ITGA10: variants seen among roughly 807,000 people sequenced by gnomAD.
ITGA10 encodes the protein integrin subunit alpha 10.
Under a neutral mutation model 145.2 loss-of-function variants are expected in ITGA10, and 105 were observed. The ratio of observed to expected loss-of-function variants is 0.72; its 90% CI spans 0.62 to 0.85. The LOEUF is 0.85. Ranked by LOEUF, ITGA10 falls within the 40% of genes least tolerant of loss-of-function variation. The probability of loss-of-function intolerance (pLI) is 0.00; values close to 1 mark genes in which losing one functional copy is unlikely to be tolerated. For missense variants in ITGA10, 1,317 were observed against 1,444.5 expected (o/e 0.91, Z 1.43); for synonymous variants, 506 against 557.8 (o/e 0.91, Z 1.31).
rs1229466538 is a variant in ITGA10 at position 145,909,990 on chromosome 1, G to C, written c.25C>G (p.Leu9Val). MELPFVTH[L>V]FLPLVFLTGL... ...GTCAGGAACACCAGGGGCAAGAACA[G>C]GTGAGTGACGAAGGGGAGTTCCATG... Residue 9 changes from leucine to valine, a missense_variant, in exon 1 of 30, where the codon CTG (leucine) becomes GTG (valine). Leu to Val is a conservative substitution (Grantham distance 32). Coordinates refer to ENST00000369304, the MANE Select transcript of ITGA10 (RefSeq NM_003637.5). The C allele has an allele frequency of 6.2e-7, 1 of 1,613,342 alleles. No individual in the cohort carries two copies. The highest frequency in any genetic ancestry group is 8.5e-7 in the Non-Finnish European group (1 of 1,179,566).
At chr1:145,896,178 A>G (rs587688973) in intron 24 of ITGA10, 82 bp from the exon 25 acceptor site, 2 of 1,487,558 alleles carry the variant, frequency 1.3e-6, no homozygotes, top group South Asian at 1.1e-5. Flanking sequence ...AGATACCATT[A>G]AAATCCAAGA....
intron 27 of ITGA10, among the ~76,000 whole-genome samples, chr1:145,894,115 CT>C (rs782196018): frequency 2.5e-3 from 330 of 133,172 alleles, no homozygotes; most frequent in Admixed American, 2.8e-3. Context: ...GTAGTGGTTT[CT>C]TTTTTTTTTT....
In ITGA10 at chr1:145,901,340, C is replaced by T; in HGVS notation, c.1444-62G>A. The T allele has an allele frequency of 6.3e-7, 1 of 1,589,340 alleles. No homozygotes were observed. The highest frequency in any genetic ancestry group is 8.6e-7 in the Non-Finnish European group (1 of 1,163,670). On this transcript the variant is annotated intron_variant, in intron 12 of 29. Coordinates refer to ENST00000369304, the MANE Select transcript of ITGA10 (RefSeq NM_003637.5). This position sits in a 1 kb window ranked among gnomAD's most constrained non-coding sequence, Gnocchi z 4.3. ...GGGAAGGTAACTGTAGACAAGTGGACTCAGTGGGAAGCACTCACCAGCCTG... is the reference window on the plus strand; with the variant it reads ...GGGAAGGTAACTGTAGACAAGTGGATTCAGTGGGAAGCACTCACCAGCCTG...
In ITGA10 at chr1:145,901,807, A is replaced by G. The variant is rs1047358466; in HGVS notation, c.1294+70T>C. 65 of 1,597,658 alleles carry G rather than the reference A, an allele frequency of 4.1e-5. 1 individual carries two copies. The South Asian group carries it at 6.6e-4, about 16-fold the overall frequency. On this transcript the variant is annotated intron_variant, in intron 11 of 29. Transcript: ENST00000369304. This position sits in a 1 kb window ranked among gnomAD's most constrained non-coding sequence, Gnocchi z 4.3. ...CGCATGAGTTAAGAGGGAGTATTTC[A>G]TACCCGCCCCCACTAGGGATGTATT...
intron 7 of ITGA10, among the ~76,000 whole-genome samples, chr1:145,903,286 C>T (rs1245222889): frequency 2.6e-5 from 4 of 151,976 alleles, no homozygotes; most frequent in East Asian, 3.9e-4. Context: ...AAATATAGAA[C>T]GGAAAAGAAT....
At chr1:145,896,697 A>G in intron 23 of ITGA10, 72 bp downstream of exon 23, 1 of 1,266,172 alleles carries the variant, frequency 7.9e-7, no homozygotes, top group Non-Finnish European at 1.2e-6. Context: ...AGGCACATGG[A>G]AGGGGAGGGA....
intron 27 of ITGA10, among the ~76,000 whole-genome samples, chr1:145,893,980 C>A (rs1655040029): frequency 6.6e-6 from 1 of 151,356 alleles, no homozygotes; most frequent in Admixed American, 6.6e-5. Flanking sequence ...TTCCTCCTAA[C>A]CCCCACCAAC....
Position 145,902,047 on chromosome 1 carries a change from A to G in ITGA10, c.1150-26T>C, listed in dbSNP as rs782077438. 3.2e-5 allele frequency: 52 copies of G among 1,612,394 alleles called. No homozygotes were observed. In the Middle Eastern group the frequency reaches 1.3e-3, roughly 41 times the overall value. On this transcript the variant is annotated intron_variant, in intron 10 of 29. Transcript: ENST00000369304. The stretch of plus-strand genomic sequence containing the variant: ...CTGTGGGACAGAAGCAGATGGGGTC[A>G]CTGAGAAGACAGTGGGGAATAAAGA...
rs782645948 is a variant in ITGA10, at chr1:145,893,279, G to A, written c.3325-5C>T. The A allele has an allele frequency of 2.3e-5, 37 of 1,597,762 alleles. No homozygotes were observed. Among genetic ancestry groups the A allele is most frequent in the Non-Finnish European group, 3.1e-5 (36 of 1,165,322 alleles). The stretch of plus-strand genomic sequence containing the variant: ...CTGAACCACCTCCAAGAGGCTCTGC[G>A]TGGACAGAAGAGTAGTTTTCTACAT... On this transcript the variant is annotated splice_region_variant and splice_polypyrimidine_tract_variant and intron_variant, in intron 28 of 29. Transcript: ENST00000369304.
At chr1:145,900,292 A>C in intron 14 of ITGA10, 105 bp from the exon 15 acceptor site, 2 of 1,277,836 alleles carry the variant, frequency 1.6e-6, no homozygotes, top group Non-Finnish European at 2.1e-6. Flanking sequence ...TTTGAGATGG[A>C]GTTTCACTCT....
At position 145,900,127 on chromosome 1, in the gene ITGA10, G is replaced by T; in HGVS notation, c.1852C>A (p.Arg618=). 6.2e-7 allele frequency: 1 copy of T among 1,614,014 alleles called. No individual in the cohort carries two copies. Among genetic ancestry groups the T allele is most frequent in the South Asian group, 1.1e-5 (1 of 91,058 alleles). ...AGATCATCTCCATCCAGATCTAGCC[G>T]ACCATCCACACTTCGGCCAAAGTAG... ...LSYFGRSVDG[R]LDLDGDDLVD... The change falls in exon 15 of 30, where the codon CGG becomes AGG. Residue 618 remains arginine, a synonymous_variant. Coordinates refer to ENST00000369304, the MANE Select transcript of ITGA10 (RefSeq NM_003637.5).
Position 145,892,750 on chromosome 1 carries a change from C to A in ITGA10, c.*48G>T. The A allele has an allele frequency of 7.0e-7, 1 of 1,425,642 alleles. No individual in the cohort carries two copies. The highest frequency in any genetic ancestry group is 1.2e-5 in the South Asian group (1 of 86,832). 88.3% of individuals were successfully genotyped at this position (1,425,642 alleles called of 1,614,324 possible). On this transcript the variant is annotated 3_prime_UTR_variant, in exon 30 of 30. Transcript: ENST00000369304. ...CCCAAACCTCTGCTTTTATGCAAGT[C>A]TCTTGAAGAAGCTGCCAGGGAGGAC...
Position 145,900,147 on chromosome 1 carries a change from A to G in ITGA10, c.1832T>C (p.Phe611Ser). Residue 611 changes from phenylalanine to serine, a missense_variant, in exon 15 of 30, where the codon TTT becomes TCT. Transcript: ENST00000369304. ...AASMPHALSY[F>S]GRSVDGRLDL... is the part of the protein sequence containing the mutation. ...TAGCCGACCATCCACACTTCGGCCA[A>G]AGTAGCTGAGGGCATGTGGCATGGA... The G allele has an allele frequency of 2.5e-6, 4 of 1,614,130 alleles. No individual in the cohort carries two copies. The highest frequency in any genetic ancestry group is 3.4e-6 in the Non-Finnish European group (4 of 1,179,992).
At position 145,897,862 on chromosome 1, in the gene ITGA10, A is replaced by G; in HGVS notation, c.2385T>C (p.Cys795=). 6.2e-7 allele frequency: 1 copy of G among 1,614,178 alleles called. No individual in the cohort carries two copies. The highest frequency in any genetic ancestry group is 8.5e-7 in the Non-Finnish European group (1 of 1,180,018). The change falls in exon 19 of 30, where the codon TGT becomes TGC. Residue 795 remains cysteine (C), a synonymous_variant. Transcript: ENST00000369304. ...TCACTTGAAGCACCAGGTCTGTGACACATTCATTGTCAGGGCCACAATCCT... is the reference window on the plus strand; with the variant it reads ...TCACTTGAAGCACCAGGTCTGTGACGCATTCATTGTCAGGGCCACAATCCT... ...FSKDCGPDNE[C]VTDLVLQVNM...
intron 15 of ITGA10, 96 bp downstream of exon 15, chr1:145,899,961 G>T: frequency 1.5e-6 from 2 of 1,309,208 alleles, no homozygotes; most frequent in South Asian, 1.5e-5. Context: ...AGAGTAAGTT[G>T]ACCAAGAAAA....
chr1:145,903,112 T>C (rs1005268205), intron 7 of ITGA10, 151 bp from the exon 8 acceptor site: 2 of 718,760 alleles, frequency 2.8e-6, no homozygotes, highest in African/African-American at 3.5e-5. Flanking sequence ...TCTTGCCTTT[T>C]AGGCCATTTC....
chr1:145,898,905 T>C lies in ITGA10; in HGVS notation c.2232+31A>G, dbSNP rs1212611322. The C allele has an allele frequency of 2.5e-6, 4 of 1,596,836 alleles. 1 individual carries two copies. In the Admixed American group the frequency reaches 6.8e-5, roughly 27 times the overall value. On this transcript the variant is annotated intron_variant, in intron 17 of 29. Transcript: ENST00000369304. ...CAGCTTTCTCCTCATTCTCAGGCCC[T>C]GATGCTAAGCAGTTACTGCCCTCTC...
chr1:145,898,158 C>T lies in ITGA10; in HGVS notation c.2298G>A (p.Lys766=), dbSNP rs1553746068. 11 of 1,613,916 alleles carry T rather than the reference C, an allele frequency of 6.8e-6. No homozygotes were observed. Among genetic ancestry groups the T allele is most frequent in the South Asian group, 1.1e-5 (1 of 91,080 alleles). ...AGCCCTCATTCAGCACAGGCCCTGG[C>T]TTTGTAGTATTGTCCAAGGCAAAGG... is the stretch of plus-strand genomic sequence containing the variant. ...TVTFALDNTT[K]PGPVLNEGSP... is the part of the protein sequence containing the mutation. Residue 766 remains lysine, a synonymous_variant, in exon 18 of 30, where the codon AAG becomes AAA. Coordinates refer to ENST00000369304, the MANE Select transcript of ITGA10 (RefSeq NM_003637.5).
In ITGA10 at chr1:145,901,468, A is replaced by G. The variant is rs782721889; in HGVS notation, c.1443+48T>C. 6.5e-7 allele frequency: 1 copy of G among 1,529,122 alleles called. No individual in the cohort carries two copies. The highest frequency in any genetic ancestry group is 1.3e-5 in the South Asian group (1 of 77,658). 94.7% of individuals were successfully genotyped at this position (1,529,122 alleles called of 1,614,324 possible). A position where few individuals can be genotyped will look rare whatever the true frequency, so the allele number is the denominator to read the frequency against. ...ACTTCACACTCCTCCCCAACAGCCCAGAGGTCCCTGGGAATCCAAAGGTCC... is the reference window on the plus strand; with the variant it reads ...ACTTCACACTCCTCCCCAACAGCCCGGAGGTCCCTGGGAATCCAAAGGTCC... On this transcript the variant is annotated intron_variant, in intron 12 of 29. Coordinates refer to ENST00000369304, the MANE Select transcript of ITGA10 (RefSeq NM_003637.5). This position sits in a 1 kb window ranked among gnomAD's most constrained non-coding sequence, Gnocchi z 4.3.
Sources: gnomAD v4.1 joint callset for allele counts (sites outside exome capture counted in the v4.1 genomes callset) on GRCh38, gnomAD v4.1.1 for gene constraint, Gnocchi (gnomAD v3.1) non-coding constraint, MANE v1.5 for transcripts, NCBI Gene and HGNC (gene_info 2026-07-23, HGNC 2026-07-21) for gene names.